The following RCC2 variants were observed in gnomAD, a reference collection of about 807,000 sequenced individuals.
RCC2 encodes the protein protein RCC2.
In RCC2, 19 loss-of-function variants were observed where a neutral mutation model predicts 64.1. That is an observed-to-expected ratio of 0.30 (90% CI 0.21 to 0.44). The LOEUF is 0.44. Ranked by LOEUF, RCC2 falls within the 20% of genes least tolerant of loss-of-function variation. RCC2 has a pLI of 1.00. For missense variants in RCC2, 508 were observed against 710.4 expected (o/e 0.72, Z 3.24); for synonymous variants, 325 against 279.6 (o/e 1.16, Z -1.62).
chr1:17,412,142 A>G lies in RCC2; in HGVS notation c.1366T>C (p.Ser456Pro). Residue 456 changes from serine to proline, a missense_variant, in exon 11 of 13, where the codon TCA becomes CCA. Ser to Pro is a moderately conservative substitution (Grantham distance 74, BLOSUM62 -1). Coordinates refer to ENST00000375436, the MANE Select transcript of RCC2 (RefSeq NM_018715.4). The stretch of plus-strand genomic sequence containing the variant: ...CTTACCAGTTCCCCAAAGGTCGGTG[A>G]CGGACCCCAGCTGATGGTGCTCTCA... ...ADESTISWGP[S>P]PTFGELGYGD... 6.2e-7 allele frequency: 1 copy of G among 1,614,160 alleles called. No homozygotes were observed. Among genetic ancestry groups the G allele is most frequent in the South Asian group, 1.1e-5 (1 of 91,078 alleles).
intron 2 of RCC2, among the ~76,000 whole-genome samples, 181 bp downstream of exon 2, chr1:17,438,049 T>A (rs1191491461): frequency 6.9e-6 from 1 of 143,946 alleles, no homozygotes; most frequent in Non-Finnish European, 1.5e-5. Context: ...GCGCGCCCCG[T>A]ACCGAGCCCT....
intron 2 of RCC2, among the ~76,000 whole-genome samples, chr1:17,432,096 G>GA (rs565900900): frequency 1.3e-5 from 2 of 150,950 alleles, no homozygotes; most frequent in South Asian, 4.2e-4. Context: ...CTCAAAAAGA[G>GA]AAAAAAAAAG....
At chr1:17,422,965 A>ACC in intron 4 of RCC2, 129 bp from the exon 5 acceptor site, 1 of 1,228,392 alleles carries the variant, frequency 8.1e-7, no homozygotes. Flanking sequence ...CCAAATTCCC[A>ACC]ACAGCCAAGA....
intron 2 of RCC2, among the ~76,000 whole-genome samples, chr1:17,437,553 T>C (rs2075747854): frequency 6.6e-6 from 1 of 152,042 alleles, no homozygotes; most frequent in African/African-American, 2.4e-5. Context: ...GCTTCTTCAC[T>C]TGGGGGGGCT....
At chr1:17,430,362 G>A (rs769540876) in intron 2 of RCC2, among the ~76,000 whole-genome samples, 15 of 151,820 alleles carry the variant, frequency 9.9e-5, no homozygotes, top group Non-Finnish European at 2.1e-4. Context: ...ATAGAAAAAT[G>A]AGCCTGTGGT....
At position 17,412,114 on chromosome 1, in the gene RCC2, C is replaced by T; in HGVS notation, c.1386+8G>A. 1 of 1,614,070 alleles carries T rather than the reference C, an allele frequency of 6.2e-7. No homozygotes were observed. The highest frequency in any genetic ancestry group is 8.5e-7 in the Non-Finnish European group (1 of 1,179,922). ...CACTTCCCCTGACCCGCACAGGTGA[C>T]AGCTTACCAGTTCCCCAAAGGTCGG... On this transcript the variant is annotated splice_region_variant and intron_variant, in intron 11 of 12. Transcript: ENST00000375436.
At chr1:17,416,394 C>G in intron 8 of RCC2, 86 bp downstream of exon 8, 1 of 1,458,374 alleles carries the variant, frequency 6.9e-7, no homozygotes. Flanking sequence ...CAGTTCCTAG[C>G]CAAAGCCAAG....
chr1:17,436,712 A>G (rs1261234648), intron 2 of RCC2, among the ~76,000 whole-genome samples: 1 of 152,202 alleles, frequency 6.6e-6, no homozygotes, highest in Non-Finnish European at 1.5e-5. Flanking sequence ...TGTACAGCTG[A>G]TAACTGCAGT....
At chr1:17,429,024 G>T in intron 3 of RCC2, 82 bp downstream of exon 3, 4 of 1,071,088 alleles carry the variant, frequency 3.7e-6, no homozygotes, top group Admixed American at 1.7e-5. Context: ...TGTAAATGAA[G>T]GGAATACCTA....
rs538805727 is a variant in RCC2, at chr1:17,407,175, C to G, written c.*1915G>C. The G allele has an allele frequency of 5.3e-5, 8 of 152,128 alleles. No homozygotes were observed. The highest frequency in any genetic ancestry group is 1.9e-4 in the African/African-American group (8 of 41,434). The allele number at this position is 152,128 out of a possible 1,614,324, so 9.4% of individuals were successfully genotyped here. A position where few individuals can be genotyped will look rare whatever the true frequency, so the allele number is the denominator to read the frequency against. On this transcript the variant is annotated 3_prime_UTR_variant, in exon 13 of 13. Coordinates refer to ENST00000375436, the MANE Select transcript of RCC2 (RefSeq NM_018715.4). ...GGGTTCTAGAAGAGGCTGGCTGCCA[C>G]GTTTACATGAGGCCACCGAAGATCT...
At chr1:17,426,189 C>T (rs961450902) in intron 3 of RCC2, among the ~76,000 whole-genome samples, 2 of 152,142 alleles carry the variant, frequency 1.3e-5, no homozygotes, top group African/African-American at 4.8e-5. Flanking sequence ...GGCTCTCCTG[C>T]CCTCCATCTC....
At chr1:17,414,052 G>T (rs1054435417) in intron 8 of RCC2, among the ~76,000 whole-genome samples, 1 of 152,212 alleles carries the variant, frequency 6.6e-6, no homozygotes, top group African/African-American at 2.4e-5. Context: ...GGCAACAGGA[G>T]CAAGTGTAGC....
chr1:17,413,695 C>T lies in RCC2; in HGVS notation c.1049G>A (p.Arg350Gln), dbSNP rs2075451028. The change falls in exon 9 of 13, where the codon CGA becomes CAA. Residue 350 changes from arginine (R) to glutamine (Q), a missense_variant. By Grantham distance (43) the Arg-to-Gln change is conservative (BLOSUM62 1). Transcript: ENST00000375436. ...NHTLVLDSQK[R>Q]VFSWGFGGYG... ...GCCACCAAAGCCCCAGGAGAAGACT[C>T]GCTTCTGGGAGTCCAGGACCAGCTG... The T allele has an allele frequency of 6.2e-7, 1 of 1,613,166 alleles. No individual in the cohort carries two copies. Among genetic ancestry groups the T allele is most frequent in the Non-Finnish European group, 8.5e-7 (1 of 1,179,628 alleles).
chr1:17,433,862 C>T (rs1570209914), intron 2 of RCC2, among the ~76,000 whole-genome samples: 1 of 152,064 alleles, frequency 6.6e-6, no homozygotes, highest in Non-Finnish European at 1.5e-5. Context: ...GGAACAATGC[C>T]GGCATCGACC....
chr1:17,430,155 CAT>C (rs1443475106), intron 2 of RCC2, among the ~76,000 whole-genome samples: 1 of 152,232 alleles, frequency 6.6e-6, no homozygotes, highest in Admixed American at 6.5e-5. Flanking sequence ...CGCTCTTACA[CAT>C]CTTTCCTGGA....
chr1:17,426,040 G>A (rs1277738510), intron 3 of RCC2, among the ~76,000 whole-genome samples: 1 of 152,136 alleles, frequency 6.6e-6, no homozygotes, highest in Non-Finnish European at 1.5e-5. Context: ...GGGACCTGGT[G>A]CGAGGTCTGT....
Position 17,408,943 on chromosome 1 carries a change from TA to T in RCC2, c.*146del. On this transcript the variant is annotated 3_prime_UTR_variant, in exon 13 of 13. Coordinates refer to ENST00000375436, the MANE Select transcript of RCC2 (RefSeq NM_018715.4). ...AAGGTAGTTAACGTTGGATCATGTGTAAAACGGAACCTCAGGGAGTCTAAAC... is the reference window on the plus strand; with the variant it reads ...AAGGTAGTTAACGTTGGATCATGTGTAAACGGAACCTCAGGGAGTCTAAAC... The T allele has an allele frequency of 1.5e-6, 1 of 675,050 alleles. No individual in the cohort carries two copies. The highest frequency in any genetic ancestry group is 1.7e-5 in the South Asian group (1 of 57,396). 41.8% of individuals were successfully genotyped at this position (675,050 alleles called of 1,614,324 possible). A position where few individuals can be genotyped will look rare whatever the true frequency, so the allele number is the denominator to read the frequency against.
chr1:17,409,615 CA>C (rs1414730781), intron 12 of RCC2, among the ~76,000 whole-genome samples: 5 of 152,364 alleles, frequency 3.3e-5, no homozygotes, highest in Admixed American at 2.0e-4. Flanking sequence ...CTGACTCCTG[CA>C]GCCACGCAGC....
intron 2 of RCC2, among the ~76,000 whole-genome samples, chr1:17,434,385 G>C (rs1354847213): frequency 6.6e-6 from 1 of 152,226 alleles, no homozygotes; most frequent in East Asian, 1.9e-4. Flanking sequence ...GTAAGGACCA[G>C]GTCACAGAGC....
Sources: allele counts gnomAD v4.1 joint callset (sites outside exome capture counted in the v4.1 genomes callset), GRCh38; gene constraint gnomAD v4.1.1; transcripts MANE v1.5; gene names NCBI Gene and HGNC (gene_info 2026-07-23, HGNC 2026-07-21).